The following ASTN2 variants were observed in gnomAD, a reference collection of about 807,000 sequenced individuals.
ASTN2 encodes the protein astrotactin-2.
In ASTN2, 54 loss-of-function variants were observed where a neutral mutation model predicts 139.8. The observed-to-expected ratio is 0.39, with a 90% CI of 0.31 to 0.48. The LOEUF is 0.48. Ranked by LOEUF, ASTN2 falls within the 20% of genes least tolerant of loss-of-function variation. The pLI is 0.95. For synonymous variants in ASTN2, 756 were observed against 719.5 expected, an observed-to-expected ratio of 1.05 and a Z score of -0.81; for missense variants, 1,565 against 1,725.1, an observed-to-expected ratio of 0.91 and a Z score of 1.64.
At chr9:116,883,214 G>T (rs115680789) in intron 10 of ASTN2, among the ~76,000 whole-genome samples, 4,215 of 152,250 alleles carry the variant, frequency 0.028, 224 homozygotes, top group African/African-American at 0.097. Flanking sequence ...TTAAAATCAT[G>T]ATTTCTATGT....
At chr9:116,669,108 T>C (rs568605667) in intron 16 of ASTN2, among the ~76,000 whole-genome samples, 88 of 152,282 alleles carry the variant, frequency 5.8e-4, no homozygotes, top group African/African-American at 2.1e-3. Flanking sequence ...CCATAAGACA[T>C]GTCCACCAGT....
At chr9:117,326,169 T>A (rs1280475812) in intron 1 of ASTN2, among the ~76,000 whole-genome samples, 1 of 149,184 alleles carries the variant, frequency 6.7e-6, no homozygotes, top group Non-Finnish European at 1.5e-5. Context: ...AACTTCTCTG[T>A]TTTTTTTTTA....
At position 116,618,411 on chromosome 9, in the gene ASTN2, C is replaced by T; in HGVS notation, c.3268G>A (p.Val1090Ile). Residue 1090 changes from valine (V) to isoleucine (I), a missense_variant, in exon 19 of 23, where the codon GTT (valine) becomes ATT (isoleucine). Around this residue, in one of 4 missense-constraint regions of ASTN2, gnomAD observed 418 missense variants for 465.8 expected, o/e 0.90. Coordinates refer to ENST00000313400, the MANE Select transcript of ASTN2 (RefSeq NM_001365068.1). ...STVVSLEWVD[V>I]QPAIGTKVSD... is the part of the protein sequence containing the mutation. ...ACCTTGGTCCCAATAGCTGGCTGAA[C>T]ATCCACCCACTCCAAGGAGACCACA... is the stretch of plus-strand genomic sequence containing the variant. The T allele has an allele frequency of 6.2e-7, 1 of 1,614,152 alleles. No homozygotes were observed. The highest frequency in any genetic ancestry group is 1.1e-5 in the South Asian group (1 of 91,082).
intron 19 of ASTN2, among the ~76,000 whole-genome samples, chr9:116,605,554 T>C (rs960218909): frequency 5.3e-5 from 8 of 152,140 alleles, no homozygotes; most frequent in African/African-American, 1.4e-4. Context: ...TCCCTTCTTG[T>C]CCTCACTCTT....
At chr9:117,175,315 C>T (rs1219773390) in intron 3 of ASTN2, among the ~76,000 whole-genome samples, 10 of 152,006 alleles carry the variant, frequency 6.6e-5, no homozygotes, top group Non-Finnish European at 1.2e-4. Flanking sequence ...CAAGAAGGCT[C>T]AAATAAAGAA....
At chr9:116,854,906 C>T (rs570450761) in intron 11 of ASTN2, among the ~76,000 whole-genome samples, 6 of 152,088 alleles carry the variant, frequency 3.9e-5, no homozygotes, top group Admixed American at 3.3e-4. Flanking sequence ...CCTACCTCGG[C>T]CTCCCAAAGT....
intron 17 of ASTN2, among the ~76,000 whole-genome samples, chr9:116,645,517 C>A (rs1392868315): frequency 1.3e-5 from 2 of 152,086 alleles, no homozygotes; most frequent in East Asian, 3.9e-4. Context: ...GTCCCCAAGG[C>A]CATCGAGAAT....
intron 1 of ASTN2, among the ~76,000 whole-genome samples, chr9:117,299,840 C>T (rs562796360): frequency 6.6e-6 from 1 of 152,290 alleles, no homozygotes; most frequent in African/African-American, 2.4e-5. Flanking sequence ...CTTAATTAAA[C>T]AGCCTGGGTT....
intron 2 of ASTN2, among the ~76,000 whole-genome samples, chr9:117,216,502 AGTAC>A (rs1832322783): frequency 6.6e-6 from 1 of 152,224 alleles, no homozygotes; most frequent in East Asian, 1.9e-4. Flanking sequence ...CAAAGCTATA[AGTAC>A]GTGTATTTAT....
chr9:117,372,931 G>A (rs571981629), intron 1 of ASTN2, among the ~76,000 whole-genome samples: 1 of 152,184 alleles, frequency 6.6e-6, no homozygotes, highest in South Asian at 2.1e-4. Context: ...GATTCTCGTG[G>A]TTCTAACACT....
intron 2 of ASTN2, among the ~76,000 whole-genome samples, chr9:117,266,356 CA>C (rs1245561479): frequency 2.0e-5 from 3 of 151,910 alleles, no homozygotes; most frequent in Admixed American, 6.6e-5. Context: ...AATCTGGTTA[CA>C]AAATATATCT....
intron 1 of ASTN2, among the ~76,000 whole-genome samples, chr9:117,302,098 A>AGGGGGGGGGGGGGGGGGG (rs371598538): frequency 3.2e-5 from 1 of 31,444 alleles, no homozygotes; most frequent in Non-Finnish European, 6.5e-5. Context: ...TGGGGGTGGG[A>AGGGGGGGGGGGGGGGGGG]GGGGGGGTGA....
chr9:117,409,285 T>C (rs1399397938), intron 1 of ASTN2, among the ~76,000 whole-genome samples: 1 of 152,036 alleles, frequency 6.6e-6, no homozygotes, highest in African/African-American at 2.4e-5. Context: ...GATTTTTTCC[T>C]CCCTCCAAAA....
At chr9:117,167,226 TTATC>T (rs898042758) in intron 3 of ASTN2, among the ~76,000 whole-genome samples, 6 of 152,240 alleles carry the variant, frequency 3.9e-5, no homozygotes, top group South Asian at 2.1e-4. Context: ...TGTCATCAGT[TTATC>T]TATCTATCTA....
intron 4 of ASTN2, among the ~76,000 whole-genome samples, chr9:117,118,942 T>C (rs146669905): frequency 3.7e-4 from 56 of 152,298 alleles, no homozygotes; most frequent in Non-Finnish European, 7.1e-4. Flanking sequence ...TTTATTTTTC[T>C]TCATAACATT....
Position 116,698,059 on chromosome 9 carries a change from G to A in ASTN2, c.2806+27712C>T, listed in dbSNP as rs760730435. On this transcript the variant is annotated intron_variant, in intron 16 of 22. Transcript: ENST00000313400. The surrounding 1 kb of genome is among the most constrained non-coding windows in gnomAD (Gnocchi z 4.4). The stretch of plus-strand genomic sequence containing the variant: ...CTCATGTGTCGGTCCTGTGGGCGGC[G>A]TCTGCCCCGGCAATTCTGCCGGAGC... 39 of 1,613,872 alleles carry A rather than the reference G, an allele frequency of 2.4e-5. No homozygotes were observed. In the East Asian group the frequency reaches 5.8e-4, roughly 24 times the overall value.
chr9:117,289,010 T>C (rs1325015408), intron 2 of ASTN2, among the ~76,000 whole-genome samples: 1 of 152,216 alleles, frequency 6.6e-6, no homozygotes, highest in Non-Finnish European at 1.5e-5. Context: ...AAAGGGCTCA[T>C]ACCCGAGTTC....
chr9:116,826,966 C>T (rs550033975), intron 11 of ASTN2, among the ~76,000 whole-genome samples: 1 of 152,142 alleles, frequency 6.6e-6, no homozygotes, highest in South Asian at 2.1e-4. Context: ...CATTAAATGC[C>T]TACATCAAAA....
intron 3 of ASTN2, among the ~76,000 whole-genome samples, chr9:117,187,434 T>A (rs1831229927): frequency 6.6e-6 from 1 of 152,156 alleles, no homozygotes; most frequent in African/African-American, 2.4e-5. Flanking sequence ...CTGAAACTCA[T>A]GTTGAAAGTC....
Sources: gnomAD v4.1 joint callset for allele counts (sites outside exome capture counted in the v4.1 genomes callset) on GRCh38, gnomAD v4.1.1 for gene constraint, gnomAD v4.1.1 regional missense constraint, Gnocchi (gnomAD v3.1) non-coding constraint, MANE v1.5 for transcripts, NCBI Gene and HGNC (gene_info 2026-07-23, HGNC 2026-07-21) for gene names.